Variants in ZC3H12D observed in about 807,000 individuals in gnomAD.
ZC3H12D encodes the protein zinc finger CCCH-type containing 12D, also known as probable ribonuclease ZC3H12D.
Under a neutral mutation model 24.2 loss-of-function variants are expected in ZC3H12D, and 11 were observed. That is an observed-to-expected ratio of 0.46 (90% CI 0.29 to 0.75). ZC3H12D has a LOEUF of 0.75. Ranked by LOEUF, ZC3H12D falls within the 30% of genes least tolerant of loss-of-function variation. The pLI, the probability that ZC3H12D is intolerant of heterozygous loss-of-function variation, is 0.11. For synonymous variants in ZC3H12D, 333 were observed against 341.8 expected (o/e 0.97, Z 0.28); for missense variants, 740 against 767.7 (o/e 0.96, Z 0.43).
At position 149,461,820 on chromosome 6, in the gene ZC3H12D, C is replaced by T. The variant is rs1776077753; in HGVS notation, c.445+11G>A. ...CTAGTACCTCTTGAGCATACATCTG[C>T]TCCAGCATACCTCTGATAGGGGTGT... On this transcript the variant is annotated intron_variant, in intron 3 of 5. Coordinates refer to ENST00000409806, the MANE Select transcript of ZC3H12D (RefSeq NM_207360.3). 3.2e-6 allele frequency: 5 copies of T among 1,552,728 alleles called. No individual in the cohort carries two copies. Among genetic ancestry groups the T allele is most frequent in the Admixed American group, 3.9e-5 (2 of 50,702 alleles).
intron 3 of ZC3H12D, chr6:149,459,466 T>C (rs981722339): frequency 3.1e-6 from 2 of 638,204 alleles, no homozygotes; most frequent in South Asian, 1.8e-5. Flanking sequence ...GAGGATTGTA[T>C]TGATTGTGCA....
intron 2 of ZC3H12D, among the ~76,000 whole-genome samples, chr6:149,473,947 C>T: frequency 6.6e-6 from 1 of 152,294 alleles, no homozygotes; most frequent in East Asian, 1.9e-4. Context: ...ATGATCATAA[C>T]AGCTACACTT....
chr6:149,474,588 T>A lies in ZC3H12D; in HGVS notation c.-45A>T. The A allele has an allele frequency of 7.0e-7, 1 of 1,425,338 alleles. No homozygotes were observed. Among genetic ancestry groups the A allele is most frequent in the Non-Finnish European group, 9.3e-7 (1 of 1,077,318 alleles). The allele number at this position is 1,425,338 out of a possible 1,614,324, so 88.3% of individuals were successfully genotyped here. A position where few individuals can be genotyped will look rare whatever the true frequency, so the allele number is the denominator to read the frequency against. ...GGCGCAGGTCCTGCCCCAGGCTTCC[T>A]CCTCTCAGAGCCCTGCAGACATGAG... On this transcript the variant is annotated 5_prime_UTR_variant, in exon 2 of 6. Coordinates refer to ENST00000409806, the MANE Select transcript of ZC3H12D (RefSeq NM_207360.3).
At chr6:149,476,946 G>GTGAATGAA (rs544055324) in intron 1 of ZC3H12D, among the ~76,000 whole-genome samples, 4 of 152,262 alleles carry the variant, frequency 2.6e-5, no homozygotes, top group South Asian at 4.1e-4. Flanking sequence ...GTGTTGATTG[G>GTGAATGAA]TGAATGAATG....
Position 149,449,830 on chromosome 6 carries a change from A to G in ZC3H12D, c.*853T>C, listed in dbSNP as rs190268674. The G allele has an allele frequency of 8.5e-5, 13 of 152,368 alleles. No individual in the cohort carries two copies. Among genetic ancestry groups the G allele is most frequent in the African/African-American group, 3.1e-4 (13 of 41,572 alleles). The allele number at this position is 152,368 out of a possible 1,614,324, so 9.4% of individuals were successfully genotyped here. On this transcript the variant is annotated 3_prime_UTR_variant, in exon 6 of 6. Transcript: ENST00000409806. ...TAGAAAGCCTATTCTGGAAACTGCC[A>G]TGATGGATGGCTAATAAAATATTGG...
intron 4 of ZC3H12D, among the ~76,000 whole-genome samples, chr6:149,453,253 T>C (rs528295784): frequency 2.0e-5 from 3 of 151,394 alleles, no homozygotes; most frequent in South Asian, 2.1e-4. Flanking sequence ...TGAGTCATGA[T>C]TGTGCCACTG....
At chr6:149,461,479 T>C (rs184700365) in intron 3 of ZC3H12D, among the ~76,000 whole-genome samples, 6 of 152,338 alleles carry the variant, frequency 3.9e-5, no homozygotes. Flanking sequence ...TATAAACTAT[T>C]AGAAGTGGAA....
intron 2 of ZC3H12D, among the ~76,000 whole-genome samples, chr6:149,470,908 G>A (rs1474809318): frequency 3.9e-5 from 6 of 152,230 alleles, no homozygotes; most frequent in South Asian, 4.1e-4. Context: ...CCCTCACTGC[G>A]GGGAGTTGTG....
chr6:149,477,897 C>G (rs1408739590), intron 1 of ZC3H12D, among the ~76,000 whole-genome samples: 3 of 152,032 alleles, frequency 2.0e-5, no homozygotes, highest in African/African-American at 7.3e-5. Flanking sequence ...AGGCCGGGCA[C>G]GGGGCTCATG....
chr6:149,482,148 C>T (rs1012132052), intron 1 of ZC3H12D, among the ~76,000 whole-genome samples: 2 of 152,270 alleles, frequency 1.3e-5, no homozygotes, highest in Non-Finnish European at 2.9e-5. Context: ...TCACACTAAA[C>T]TGAAAGAATG....
intron 1 of ZC3H12D, among the ~76,000 whole-genome samples, chr6:149,481,489 C>T (rs1459759058): frequency 6.6e-6 from 1 of 151,602 alleles, no homozygotes; most frequent in Non-Finnish European, 1.5e-5. Context: ...GATTCTCCTG[C>T]CTCAGCCTCC....
intron 1 of ZC3H12D, 131 bp from the exon 2 acceptor site, chr6:149,474,744 T>C: frequency 2.3e-6 from 1 of 435,392 alleles, no homozygotes; most frequent in Non-Finnish European, 4.0e-6. Flanking sequence ...CACTGGGGAC[T>C]TTCAGTTGCT....
intron 1 of ZC3H12D, among the ~76,000 whole-genome samples, chr6:149,483,444 T>C (rs1368592980): frequency 6.6e-6 from 1 of 152,154 alleles, no homozygotes; most frequent in African/African-American, 2.4e-5. Context: ...CCAGATCTCT[T>C]TTCAGCCTGC....
chr6:149,453,219 G>A (rs1170583691), intron 4 of ZC3H12D, among the ~76,000 whole-genome samples: 1 of 151,306 alleles, frequency 6.6e-6, no homozygotes, highest in Non-Finnish European at 1.5e-5. Context: ...GAGGATGGCT[G>A]AGCCTGGGAG....
intron 2 of ZC3H12D, among the ~76,000 whole-genome samples, chr6:149,468,763 G>C (rs555228338): frequency 1.3e-5 from 2 of 152,110 alleles, no homozygotes; most frequent in African/African-American, 2.4e-5. Flanking sequence ...AACAGAGTCA[G>C]GGTCTCAGAA....
In ZC3H12D at chr6:149,456,627, C is replaced by CCCCCCCCCCCCCCGGGGGGAGG; in HGVS notation, c.680+38_680+39insCCTCCCCCCGGGGGGGGGGGGG. 2 of 1,403,090 alleles carry CCCCCCCCCCCCCCGGGGGGAGG rather than the reference C, an allele frequency of 1.4e-6. No homozygotes were observed. The highest frequency in any genetic ancestry group is 2.0e-6 in the Non-Finnish European group (2 of 997,692). The allele number at this position is 1,403,090 out of a possible 1,614,324, so 86.9% of individuals were successfully genotyped here. ...CTGCCTCGACCCCGGCCCCCCGCCCCGCCGCCCCCCAGGGTGTCAGGACCC... is the reference window on the plus strand; with the variant it reads ...CTGCCTCGACCCCGGCCCCCCGCCCCCCCCCCCCCCCCCGGGGGGAGGGCCGCCCCCCAGGGTGTCAGGACCC... On this transcript the variant is annotated intron_variant, in intron 4 of 5. Transcript: ENST00000409806. This position sits in a 1 kb window ranked among gnomAD's most constrained non-coding sequence, Gnocchi z 4.3.
At chr6:149,476,811 A>AAATAGAATAGAATAGAATAGAATAG (rs58370843) in intron 1 of ZC3H12D, among the ~76,000 whole-genome samples, 21 of 151,008 alleles carry the variant, frequency 1.4e-4, no homozygotes, top group African/African-American at 5.1e-4. Flanking sequence ...CTGTCTAAAA[A>AAATAGAATAGAATAGAATAGAATAG]AATAGAATAG....
chr6:149,471,215 A>G (rs914296638), intron 2 of ZC3H12D, among the ~76,000 whole-genome samples: 21 of 152,252 alleles, frequency 1.4e-4, no homozygotes, highest in Non-Finnish European at 1.2e-4. Context: ...GGTTCAGCCA[A>G]GCACGACCAA....
At chr6:149,471,641 T>C (rs1229859414) in intron 2 of ZC3H12D, among the ~76,000 whole-genome samples, 1 of 152,246 alleles carries the variant, frequency 6.6e-6, no homozygotes, top group Admixed American at 6.5e-5. Context: ...ATTGTGTATA[T>C]CATTTCAGGC....
Sources: allele counts gnomAD v4.1 joint callset (sites outside exome capture counted in the v4.1 genomes callset), GRCh38; gene constraint gnomAD v4.1.1; non-coding constraint Gnocchi (gnomAD v3.1); transcripts MANE v1.5; gene names NCBI Gene and HGNC (gene_info 2026-07-23, HGNC 2026-07-21).